ERICH3: variants seen among roughly 807,000 people sequenced by gnomAD.
ERICH3 encodes the protein glutamate-rich protein 3.
A neutral mutation model predicts 131.1 loss-of-function variants in ERICH3; 126 were observed. The observed-to-expected ratio is 0.96, with a 90% CI of 0.83 to 1.11. The LOEUF is 1.11. ERICH3 is among the 50% of genes most tolerant of loss of function. ERICH3 has a pLI of 0.00. For missense variants in ERICH3, 2,050 were observed against 1,810.7 expected (o/e 1.13, Z -2.40); for synonymous variants, 695 against 644.6 (o/e 1.08, Z -1.18).
chr1:74,584,886 C>T (rs1321025798), intron 12 of ERICH3, among the ~76,000 whole-genome samples: 1 of 152,096 alleles, frequency 6.6e-6, no homozygotes, highest in Non-Finnish European at 1.5e-5. Flanking sequence ...GTATTTAGAC[C>T]TCAACTCATA....
intron 10 of ERICH3, among the ~76,000 whole-genome samples, chr1:74,603,534 A>G (rs945196612): frequency 2.6e-5 from 4 of 151,890 alleles, no homozygotes; most frequent in South Asian, 2.1e-4. Flanking sequence ...AGGCATACCT[A>G]TATACACATG....
At chr1:74,604,963 G>A (rs1328830506) in intron 10 of ERICH3, among the ~76,000 whole-genome samples, 1 of 151,882 alleles carries the variant, frequency 6.6e-6, no homozygotes, top group Non-Finnish European at 1.5e-5. Flanking sequence ...CTCCTTTCTA[G>A]CTATGAATGT....
chr1:74,605,962 G>A (rs1182324155), intron 10 of ERICH3, among the ~76,000 whole-genome samples: 1 of 132,036 alleles, frequency 7.6e-6, no homozygotes, highest in African/African-American at 2.8e-5. Flanking sequence ...AATGAGATGT[G>A]CCTGCATATA....
At chr1:74,637,814 G>A (rs1483496808) in intron 5 of ERICH3, among the ~76,000 whole-genome samples, 1 of 152,004 alleles carries the variant, frequency 6.6e-6, no homozygotes, top group Non-Finnish European at 1.5e-5. Context: ...AGGAGTCTGA[G>A]GTGGGAGGTC....
intron 7 of ERICH3, among the ~76,000 whole-genome samples, chr1:74,621,162 T>C (rs549159513): frequency 2.5e-4 from 38 of 152,290 alleles, no homozygotes; most frequent in African/African-American, 8.9e-4. Context: ...GGATAGAGTT[T>C]GTCATTTTTT....
chr1:74,575,343 A>T (rs1414073329), intron 13 of ERICH3, among the ~76,000 whole-genome samples: 1 of 152,224 alleles, frequency 6.6e-6, no homozygotes, highest in Non-Finnish European at 1.5e-5. Flanking sequence ...GGAGTAAAAT[A>T]AAAATTTCAG....
intron 12 of ERICH3, among the ~76,000 whole-genome samples, chr1:74,585,096 A>C (rs1476815500): frequency 2.6e-5 from 4 of 152,062 alleles, no homozygotes; most frequent in Non-Finnish European, 5.9e-5. Flanking sequence ...TAAATACACT[A>C]CTCTTTATTT....
At chr1:74,590,114 T>G (rs377201357) in intron 11 of ERICH3, 34 bp from the exon 12 acceptor site, 1 of 1,486,458 alleles carries the variant, frequency 6.7e-7, no homozygotes, top group African/African-American at 1.4e-5. Flanking sequence ...ATTGTTGTTG[T>G]TCTGTAAAGC....
intron 1 of ERICH3, among the ~76,000 whole-genome samples, chr1:74,671,796 C>T (rs530681463): frequency 3.4e-4 from 52 of 152,152 alleles, no homozygotes; most frequent in East Asian, 3.8e-4. Context: ...ATGCACCATC[C>T]GGCAATACCA....
At chr1:74,594,839 TA>T (rs1452331868) in intron 11 of ERICH3, among the ~76,000 whole-genome samples, 1 of 152,260 alleles carries the variant, frequency 6.6e-6, no homozygotes, top group East Asian at 1.9e-4. Flanking sequence ...TACCACAGTT[TA>T]AATTCACCAT....
At chr1:74,651,666 A>G (rs1239418441) in intron 1 of ERICH3, among the ~76,000 whole-genome samples, 2 of 152,126 alleles carry the variant, frequency 1.3e-5, no homozygotes, top group East Asian at 3.9e-4. Context: ...GTGATATCAT[A>G]TATAGTCTTT....
At chr1:74,616,924 C>G (rs1648991007) in intron 8 of ERICH3, among the ~76,000 whole-genome samples, 1 of 152,014 alleles carries the variant, frequency 6.6e-6, no homozygotes, top group Non-Finnish European at 1.5e-5. Context: ...CCTGCCAATA[C>G]CTTCATTTTT....
At chr1:74,605,293 T>G (rs1648332453) in intron 10 of ERICH3, among the ~76,000 whole-genome samples, 1 of 151,950 alleles carries the variant, frequency 6.6e-6, no homozygotes, top group African/African-American at 2.4e-5. Context: ...TGTGGCTAGT[T>G]AGATCTTCTA....
At chr1:74,643,818 A>T (rs1481144723) in intron 3 of ERICH3, among the ~76,000 whole-genome samples, 1 of 152,050 alleles carries the variant, frequency 6.6e-6, no homozygotes, top group Non-Finnish European at 1.5e-5. Context: ...ATCTGACACT[A>T]GCTTCCTGTT....
At position 74,572,285 on chromosome 1, in the gene ERICH3, C is replaced by T. The variant is rs754644777; in HGVS notation, c.3425G>A (p.Gly1142Glu). Residue 1142 changes from glycine (G) to glutamate (E), a missense_variant, in exon 14 of 15, where the codon GGG becomes GAG. Physicochemically the swap from Gly to Glu is moderately conservative, Grantham distance 98. Transcript: ENST00000326665. ...TTTTAGTGAATCTTCTCCTAGAAGC[C>T]CTGGATTGTCAGACAACTCAGAAGC... is the stretch of plus-strand genomic sequence containing the variant. ...VEASELSDNP[G>E]LLGEDSLKET... is the part of the protein sequence containing the mutation. 1 of 1,613,996 alleles carries T rather than the reference C, an allele frequency of 6.2e-7. No homozygotes were observed. The highest frequency in any genetic ancestry group is 8.5e-7 in the Non-Finnish European group (1 of 1,180,010).
chr1:74,577,158 T>A, intron 12 of ERICH3: 1 of 441,908 alleles, frequency 2.3e-6, no homozygotes, highest in East Asian at 3.4e-5. Flanking sequence ...ATTCAAAAAA[T>A]AATAATAAAT....
chr1:74,620,967 T>G, intron 7 of ERICH3, 53 bp from the exon 8 acceptor site: 1 of 1,376,396 alleles, frequency 7.3e-7, no homozygotes, highest in South Asian at 1.6e-5. Context: ...CTAATGAGAG[T>G]TCTTACCTGA....
In ERICH3 at chr1:74,604,338, C is replaced by T. The variant is rs570733483; in HGVS notation, c.1489+2263G>A. 8.6e-5 allele frequency among the ~76,000 whole-genome samples: 13 copies of T among 151,982 alleles called. No homozygotes were observed. In the South Asian group the frequency reaches 2.7e-3, roughly 31 times the overall value. On this transcript the variant is annotated intron_variant, in intron 10 of 14. Transcript: ENST00000326665. ...CAAAGGCTTGAACTCCTCAAAGCCA[C>T]CTGTGAGGAATAAAATCACCTTCTT...
chr1:74,664,985 A>G (rs1341368435), intron 1 of ERICH3, among the ~76,000 whole-genome samples: 2 of 152,192 alleles, frequency 1.3e-5, no homozygotes, highest in Non-Finnish European at 2.9e-5. Flanking sequence ...TATAGACTTA[A>G]CGTCTGTATC....
Sources: gnomAD v4.1 joint callset for allele counts (sites outside exome capture counted in the v4.1 genomes callset) on GRCh38, gnomAD v4.1.1 for gene constraint, MANE v1.5 for transcripts, NCBI Gene and HGNC (gene_info 2026-07-23, HGNC 2026-07-21) for gene names.